Variants in TMC2 observed in about 807,000 individuals in gnomAD.
TMC2 encodes the protein transmembrane channel-like protein 2.
TMC2 carries 102 observed loss-of-function variants against 105.9 expected under a neutral mutation model. The ratio of observed to expected loss-of-function variants is 0.96; its 90% CI spans 0.82 to 1.14. The LOEUF is 1.14. TMC2 is among the 50% of genes most tolerant of loss of function. The probability of loss-of-function intolerance (pLI) is 0.00; values close to 1 mark genes in which losing one functional copy is unlikely to be tolerated. For missense variants in TMC2, 1,093 were observed against 1,134.3 expected (o/e 0.96, Z 0.52); for synonymous variants, 402 against 422.8 (o/e 0.95, Z 0.60).
rs377433001 is a variant in TMC2 at position 2,543,107 on chromosome 20, T to C, written c.82+5791T>C. Among the ~76,000 whole-genome samples, 710 of 151,766 alleles carry C rather than the reference T, an allele frequency of 4.7e-3. 5 individuals are homozygous for C. The highest frequency in any genetic ancestry group is 0.022 in the South Asian group (103 of 4,782). ...CAAAAATTAGTCAGGCAAGGTGGCA[T>C]ACACCTGTAATCCCAGCTACTCAGG... On this transcript the variant is annotated intron_variant, in intron 2 of 19. Coordinates refer to ENST00000358864, the MANE Select transcript of TMC2 (RefSeq NM_080751.3).
chr20:2,578,518 G>A (rs1239382111), intron 5 of TMC2, among the ~76,000 whole-genome samples: 1 of 152,180 alleles, frequency 6.6e-6, no homozygotes, highest in South Asian at 2.1e-4. Flanking sequence ...ATAGAAAGAC[G>A]GCTGATCAGG....
At chr20:2,631,682 G>A (rs1170202297) in intron 17 of TMC2, among the ~76,000 whole-genome samples, 5 of 142,892 alleles carry the variant, frequency 3.5e-5, no homozygotes, top group African/African-American at 1.0e-4. Context: ...CTCTCTTTCT[G>A]GATTCTCTCT....
chr20:2,595,112 G>A lies in TMC2; in HGVS notation c.1076+145G>A. On this transcript the variant is annotated intron_variant, in intron 9 of 19. Transcript: ENST00000358864. ...AGAAAGCATATGCACATTATAATTT[G>A]TGGTATGAAAGACATGAACCAGGCC... The A allele has an allele frequency of 3.1e-6, 3 of 974,664 alleles. No individual in the cohort carries two copies. In the South Asian group the frequency reaches 4.9e-5, roughly 16 times the overall value. 60.4% of individuals were successfully genotyped at this position (974,664 alleles called of 1,614,324 possible).
In TMC2 at chr20:2,580,043, T is replaced by C; in HGVS notation, c.821T>C (p.Val274Ala). The change falls in exon 7 of 20, where the codon GTC becomes GCC. Residue 274 changes from valine (V) to alanine (A), a missense_variant. Coordinates refer to ENST00000358864, the MANE Select transcript of TMC2 (RefSeq NM_080751.3). ...LVLFGLIFGL[V>A]IIPEVLMGMP... ...CTTTTTGGCTTAATATTTGGTCTAG[T>C]CATAATCCCAGAGGTAAGAAAAGAA... 1 of 1,608,962 alleles carries C rather than the reference T, an allele frequency of 6.2e-7. No individual in the cohort carries two copies. Among genetic ancestry groups the C allele is most frequent in the Non-Finnish European group, 8.5e-7 (1 of 1,175,352 alleles).
chr20:2,585,444 T>G (rs1467287311), intron 7 of TMC2, among the ~76,000 whole-genome samples: 1 of 152,208 alleles, frequency 6.6e-6, no homozygotes, highest in African/African-American at 2.4e-5. Flanking sequence ...TCCCTATTTT[T>G]TCGCTGAATA....
chr20:2,628,166 T>C (rs1441605488), intron 17 of TMC2, among the ~76,000 whole-genome samples: 3 of 135,980 alleles, frequency 2.2e-5, no homozygotes, highest in Admixed American at 7.4e-5. Context: ...AGACTCTGTC[T>C]CAAAAAAAAA....
chr20:2,555,072 T>G (rs897387001), intron 2 of TMC2, among the ~76,000 whole-genome samples: 2 of 149,592 alleles, frequency 1.3e-5, no homozygotes, highest in African/African-American at 5.0e-5. Flanking sequence ...CTCCTTGCAG[T>G]TTTTTTATGT....
intron 11 of TMC2, among the ~76,000 whole-genome samples, chr20:2,607,708 G>A (rs1268768586): frequency 6.6e-6 from 1 of 152,208 alleles, no homozygotes; most frequent in African/African-American, 2.4e-5. Flanking sequence ...AATTTGTATT[G>A]TATTGTAGCC....
chr20:2,612,914 T>C (rs548175584), intron 13 of TMC2, among the ~76,000 whole-genome samples: 4 of 152,200 alleles, frequency 2.6e-5, no homozygotes, highest in African/African-American at 9.6e-5. Flanking sequence ...ACATAATTAC[T>C]AAGTTTCACA....
chr20:2,586,013 C>T (rs1191495306), intron 7 of TMC2, among the ~76,000 whole-genome samples: 1 of 152,106 alleles, frequency 6.6e-6, no homozygotes, highest in African/African-American at 2.4e-5. Context: ...ATCATGTGAG[C>T]CACCTCACAG....
intron 4 of TMC2, among the ~76,000 whole-genome samples, chr20:2,564,205 C>G (rs2086047903): frequency 7.8e-6 from 1 of 128,626 alleles, no homozygotes; most frequent in African/African-American, 3.1e-5. Flanking sequence ...GGATGGAGTG[C>G]AGTGGCACAA....
intron 11 of TMC2, 44 bp from the exon 12 acceptor site, chr20:2,610,375 A>G: frequency 6.5e-7 from 1 of 1,545,560 alleles, no homozygotes; most frequent in Non-Finnish European, 8.8e-7. Context: ...CAGCCAAACA[A>G]GTATAATGTT....
chr20:2,596,907 G>A (rs1353608776), intron 9 of TMC2, among the ~76,000 whole-genome samples: 1 of 151,968 alleles, frequency 6.6e-6, no homozygotes, highest in East Asian at 1.9e-4. Flanking sequence ...CTTGTCTCCT[G>A]CAGGCTTTTT....
intron 4 of TMC2, among the ~76,000 whole-genome samples, chr20:2,567,333 C>A (rs979956153): frequency 1.3e-5 from 2 of 152,166 alleles, no homozygotes; most frequent in African/African-American, 4.8e-5. Context: ...AATCAGGCAA[C>A]ATTACCTACA....
At chr20:2,615,657 A>T (rs1323026788) in intron 14 of TMC2, among the ~76,000 whole-genome samples, 10 of 152,214 alleles carry the variant, frequency 6.6e-5, no homozygotes, top group Admixed American at 6.5e-4. Flanking sequence ...GGAAGAAGAG[A>T]AGGAGAAAGA....
chr20:2,540,656 C>A (rs140839441), intron 2 of TMC2, among the ~76,000 whole-genome samples: 654 of 108,074 alleles, frequency 6.1e-3, no homozygotes, highest in Middle Eastern at 0.011. Context: ...GAGGGACTCT[C>A]AAAAAAAAAA....
intron 2 of TMC2, among the ~76,000 whole-genome samples, chr20:2,549,474 T>G (rs1252914124): frequency 1.3e-5 from 2 of 152,150 alleles, no homozygotes; most frequent in South Asian, 4.1e-4. Context: ...CAGGCATGGT[T>G]GCTTACGTCT....
chr20:2,614,778 A>G (rs2086467752), intron 14 of TMC2, among the ~76,000 whole-genome samples: 1 of 152,000 alleles, frequency 6.6e-6, no homozygotes, highest in Non-Finnish European at 1.5e-5. Flanking sequence ...AGACTTTCAA[A>G]CACACTGGGG....
intron 7 of TMC2, among the ~76,000 whole-genome samples, chr20:2,582,436 T>C (rs6050330): frequency 8.0e-4 from 122 of 152,276 alleles, no homozygotes; most frequent in African/African-American, 2.6e-3. Flanking sequence ...GGGATAAGAA[T>C]AGTAGAAGTG....
Sources: gnomAD v4.1 joint callset for allele counts (sites outside exome capture counted in the v4.1 genomes callset) on GRCh38, gnomAD v4.1.1 for gene constraint, MANE v1.5 for transcripts, NCBI Gene and HGNC (gene_info 2026-07-23, HGNC 2026-07-21) for gene names.